Variants in SLC35F3 observed in about 807,000 individuals in gnomAD.
SLC35F3 encodes the protein solute carrier family 35 member F3.
SLC35F3 carries 25 observed loss-of-function variants against 49.9 expected under a neutral mutation model. The observed-to-expected ratio is 0.50, with a 90% confidence interval of 0.37 to 0.70. SLC35F3 has a LOEUF of 0.70. Among genes scored for constraint, SLC35F3 ranks in the 30% least tolerant of loss-of-function variants. The pLI is 0.00. For missense variants in SLC35F3, 525 were observed against 639.8 expected, an observed-to-expected ratio of 0.82 and a Z score of 1.94; for synonymous variants, 275 against 265.4, an observed-to-expected ratio of 1.04 and a Z score of -0.35.
Position 234,214,124 on chromosome 1 carries a change from C to G in SLC35F3, c.284-17293C>G. On this transcript the variant is annotated intron_variant, in intron 2 of 7. Transcript: ENST00000366618. The surrounding 1 kb of genome is among the most constrained non-coding windows in gnomAD (Gnocchi z 8.0). ...AGTCAGGACCTGGCTGGGAGGAAGA[C>G]AGGGATGAGGGCTGCGGGGCTGGGC... 2.0e-6 allele frequency: 2 copies of G among 1,022,984 alleles called. No homozygotes were observed. Among genetic ancestry groups the G allele is most frequent in the Non-Finnish European group, 2.3e-6 (2 of 851,204 alleles). The allele number at this position is 1,022,984 out of a possible 1,614,324, so 63.4% of individuals were successfully genotyped here.
At chr1:234,047,991 G>A (rs1664319505) in intron 2 of SLC35F3, among the ~76,000 whole-genome samples, 1 of 152,094 alleles carries the variant, frequency 6.6e-6, no homozygotes, top group Admixed American at 6.5e-5. Context: ...CCATTCTGGT[G>A]GTCTCAGACA....
intron 2 of SLC35F3, among the ~76,000 whole-genome samples, chr1:233,948,645 C>T (rs1443176714): frequency 1.3e-5 from 2 of 151,210 alleles, no homozygotes; most frequent in East Asian, 1.9e-4. Context: ...ATGAGCCATG[C>T]TGGTGTGCTG....
At chr1:233,982,553 T>C (rs1424292797) in intron 2 of SLC35F3, among the ~76,000 whole-genome samples, 1 of 152,112 alleles carries the variant, frequency 6.6e-6, no homozygotes, top group African/African-American at 2.4e-5. Flanking sequence ...TTTGTATTTT[T>C]AGTGGAGATG....
chr1:234,068,951 TAC>T (rs1451168226), intron 2 of SLC35F3, among the ~76,000 whole-genome samples: 1 of 50,208 alleles, frequency 2.0e-5, no homozygotes, highest in African/African-American at 7.5e-5. Flanking sequence ...ATAATTTTAC[TAC>T]ATATAATATA....
At chr1:233,997,326 A>G (rs925009367) in intron 2 of SLC35F3, among the ~76,000 whole-genome samples, 2 of 152,128 alleles carry the variant, frequency 1.3e-5, no homozygotes, top group African/African-American at 4.8e-5. Flanking sequence ...GGGTATCTCC[A>G]TACTGTTCTC....
intron 2 of SLC35F3, among the ~76,000 whole-genome samples, chr1:234,222,323 G>A (rs1192122433): frequency 1.3e-5 from 2 of 152,198 alleles, no homozygotes; most frequent in Admixed American, 6.5e-5. Context: ...AGGAGATTAA[G>A]CCTGAGAGGT....
chr1:234,053,705 G>C (rs1031056283), intron 2 of SLC35F3, among the ~76,000 whole-genome samples: 4 of 152,144 alleles, frequency 2.6e-5, no homozygotes, highest in Non-Finnish European at 5.9e-5. Flanking sequence ...TGGTTATTTT[G>C]CTCATTCGTT....
intron 2 of SLC35F3, among the ~76,000 whole-genome samples, chr1:233,921,737 T>C (rs1427890303): frequency 2.6e-5 from 4 of 152,134 alleles, no homozygotes; most frequent in African/African-American, 9.7e-5. Context: ...TGTGCCATGT[T>C]GGTGTGCTGC....
chr1:234,274,629 G>A (rs1668170275), intron 3 of SLC35F3, among the ~76,000 whole-genome samples: 1 of 152,210 alleles, frequency 6.6e-6, no homozygotes, highest in African/African-American at 2.4e-5. Flanking sequence ...GTAGGATAAT[G>A]CACTTCTCTG....
chr1:234,254,076 C>T (rs577789112), intron 3 of SLC35F3, among the ~76,000 whole-genome samples: 2 of 152,354 alleles, frequency 1.3e-5, no homozygotes, highest in Admixed American at 6.5e-5. Context: ...AAATTATTCT[C>T]TCGCTTGTGA....
chr1:234,275,836 A>G (rs1668201337), intron 3 of SLC35F3, among the ~76,000 whole-genome samples: 1 of 151,960 alleles, frequency 6.6e-6, no homozygotes, highest in Non-Finnish European at 1.5e-5. Flanking sequence ...TAGTATTAAT[A>G]TGTGCCAGGT....
intron 2 of SLC35F3, among the ~76,000 whole-genome samples, chr1:234,015,707 TAAG>T (rs1331081114): frequency 6.6e-6 from 1 of 152,146 alleles, no homozygotes; most frequent in Non-Finnish European, 1.5e-5. Flanking sequence ...TGTAAAACTA[TAAG>T]AAGAAGACAT....
chr1:234,233,565 A>G (rs1007799594), intron 3 of SLC35F3, among the ~76,000 whole-genome samples: 6 of 152,238 alleles, frequency 3.9e-5, no homozygotes, highest in Non-Finnish European at 8.8e-5. Flanking sequence ...AACCGCACAG[A>G]TGGAATCAAG....
chr1:233,953,242 T>A (rs901979484), intron 2 of SLC35F3, among the ~76,000 whole-genome samples: 2 of 151,904 alleles, frequency 1.3e-5, no homozygotes, highest in African/African-American at 2.4e-5. Flanking sequence ...ACATTAAGAA[T>A]GAAAAAAATC....
At chr1:234,023,160 A>C (rs1467173077) in intron 2 of SLC35F3, among the ~76,000 whole-genome samples, 2 of 152,164 alleles carry the variant, frequency 1.3e-5, no homozygotes, top group African/African-American at 4.8e-5. Flanking sequence ...GGAGGAAGAA[A>C]AAGGGAGAAG....
rs760072569 is a variant in SLC35F3, at chr1:233,905,524, C to T, written c.54-5C>T. 4.4e-6 allele frequency: 7 copies of T among 1,609,062 alleles called. No homozygotes were observed. In the East Asian group the frequency reaches 6.7e-5, roughly 15 times the overall value. On this transcript the variant is annotated splice_region_variant and splice_polypyrimidine_tract_variant and intron_variant, in intron 1 of 7. Coordinates refer to ENST00000366618, the MANE Select transcript of SLC35F3 (RefSeq NM_173508.4). ...CCCACCTGCCCGTGGCGCCTGCGAC[C>T]GCAGTGGCATGAGGAGGTCACCGGA...
At chr1:234,225,532 G>C (rs950757714) in intron 2 of SLC35F3, among the ~76,000 whole-genome samples, 1 of 152,150 alleles carries the variant, frequency 6.6e-6, no homozygotes, top group Admixed American at 6.5e-5. Flanking sequence ...CCATTTGGAC[G>C]CAATTAGATG....
intron 2 of SLC35F3, among the ~76,000 whole-genome samples, chr1:234,078,076 AG>A (rs1664823727): frequency 6.6e-6 from 1 of 152,198 alleles, no homozygotes; most frequent in Non-Finnish European, 1.5e-5. Context: ...CTTCACCTGC[AG>A]GTTGAATCCT....
At chr1:233,946,626 G>A (rs926039182) in intron 2 of SLC35F3, among the ~76,000 whole-genome samples, 1 of 152,062 alleles carries the variant, frequency 6.6e-6, no homozygotes, top group African/African-American at 2.4e-5. Flanking sequence ...AGTGGTGTAC[G>A]TGCCAATGCT....
Sources: allele counts gnomAD v4.1 joint callset (sites outside exome capture counted in the v4.1 genomes callset), GRCh38; gene constraint gnomAD v4.1.1; non-coding constraint Gnocchi (gnomAD v3.1); transcripts MANE v1.5; gene names NCBI Gene and HGNC (gene_info 2026-07-23, HGNC 2026-07-21).